The following TCF7 variants were observed in gnomAD, a reference collection of about 807,000 sequenced individuals.
TCF7 encodes T-cell-factor-7.
Under a neutral mutation model 46.8 loss-of-function variants are expected in TCF7, and 19 were observed. The observed-to-expected ratio is 0.41, with a 90% CI of 0.28 to 0.60. The LOEUF is 0.60. TCF7 is among the 20% of genes least tolerant of loss of function. The pLI is 0.35. For missense variants in TCF7, 547 were observed against 504.6 expected (o/e 1.08, Z -0.81); for synonymous variants, 245 against 213.4 (o/e 1.15, Z -1.29).
chr5:134,141,020 GC>G, intron 5 of TCF7: 1 of 325,744 alleles, frequency 3.1e-6, no homozygotes, highest in Non-Finnish European at 6.1e-6. Context: ...TCATTTTGCA[GC>G]CCCCTGCTGT....
intron 3 of TCF7, among the ~76,000 whole-genome samples, chr5:134,117,845 C>T (rs560508821): frequency 7.7e-4 from 118 of 152,332 alleles, no homozygotes; most frequent in African/African-American, 2.8e-3. Flanking sequence ...CAGCCACAGT[C>T]TCCACTGTCT....
In TCF7 at chr5:134,143,621, G is replaced by A. The variant is rs2149356593; in HGVS notation, c.1056G>A (p.Lys352=). The change falls in exon 9 of 10, where the codon AAG becomes AAA. Residue 352 remains lysine (K), a synonymous_variant. Coordinates refer to ENST00000342854, the MANE Select transcript of TCF7 (RefSeq NM_003202.5). The stretch of plus-strand genomic sequence containing the variant: ...AGAAGAAGAGGCGGTCGAGGGAAAA[G>A]CACCAAGAATCCACCACAGGTGAGA... ...YGKKKRRSRE[K]HQESTTGGKR... is the part of the protein sequence containing the mutation. 2 of 1,614,060 alleles carry A rather than the reference G, an allele frequency of 1.2e-6. No homozygotes were observed. The highest frequency in any genetic ancestry group is 2.2e-5 in the East Asian group (1 of 44,874).
intron 3 of TCF7, among the ~76,000 whole-genome samples, chr5:134,126,828 C>T (rs1486977781): frequency 2.7e-5 from 4 of 150,942 alleles, no homozygotes; most frequent in African/African-American, 4.9e-5. Flanking sequence ...ACCTGGGAGG[C>T]GGAGGTCACA....
chr5:134,142,250 C>T lies in TCF7; in HGVS notation c.701C>T (p.Pro234Leu), dbSNP rs149729434. 1.4e-5 allele frequency: 23 copies of T among 1,610,140 alleles called. No individual in the cohort carries two copies. Among genetic ancestry groups the T allele is most frequent in the Admixed American group, 5.0e-5 (3 of 59,760 alleles). Residue 234 changes from proline (P) to leucine (L), a missense_variant, in exon 6 of 10, where the codon CCG (proline) becomes CTG (leucine). Physicochemically the swap from Pro to Leu is moderately conservative, Grantham distance 98. This residue lies in a region of TCF7 where 425 missense variants were observed against 349.9 expected (regional missense o/e 1.21). Transcript: ENST00000342854. ...VPGHPAAIPH[P>L]AIVPPSGKQE... ...GGTCACCCAGCAGCCATCCCCCACC[C>T]GGCCATTGTGCCCCCCTCAGGGAAG...
chr5:134,142,397 AAGCTGT>A (rs1759955301), intron 6 of TCF7, 93 bp downstream of exon 6: 1 of 1,185,926 alleles, frequency 8.4e-7, no homozygotes, highest in African/African-American at 1.6e-5. Context: ...GTCCCTGCCT[AAGCTGT>A]TTCGTGCCTC....
intron 9 of TCF7, chr5:134,144,693 T>C (rs777237619): frequency 2.0e-5 from 17 of 855,640 alleles, no homozygotes; most frequent in Non-Finnish European, 3.1e-5. Context: ...AGGGTGTCTA[T>C]AACTGGCTAA....
At chr5:134,131,956 G>A (rs946649357) in intron 3 of TCF7, among the ~76,000 whole-genome samples, 10 of 152,244 alleles carry the variant, frequency 6.6e-5, no homozygotes, top group Non-Finnish European at 1.3e-4. Context: ...CACCAGGCAG[G>A]CTGCCAGTGT....
In TCF7 at chr5:134,115,131, C is replaced by T. The variant is rs1755618581; in HGVS notation, c.225C>T (p.Gly75=). The part of the protein sequence containing the change: ...GAGIPGVPGA[G]AGARGEAEAL... ...GGATCCCGGGGGTCCCGGGGGCCGGCGCCGGGGCCCGCGGCGAGGCCGAGG... is the reference window on the plus strand; with the variant it reads ...GGATCCCGGGGGTCCCGGGGGCCGGTGCCGGGGCCCGCGGCGAGGCCGAGG... Residue 75 remains glycine (G), a synonymous_variant, in exon 1 of 10, where the codon GGC becomes GGT. Transcript: ENST00000342854. 3.0e-6 allele frequency: 3 copies of T among 1,012,558 alleles called. No homozygotes were observed. The highest frequency in any genetic ancestry group is 8.6e-5 in the East Asian group (1 of 11,598). 62.7% of individuals were successfully genotyped at this position (1,012,558 alleles called of 1,614,324 possible).
intron 9 of TCF7, chr5:134,145,653 T>C: frequency 7.3e-7 from 1 of 1,376,060 alleles, no homozygotes; most frequent in South Asian, 1.2e-5. Context: ...AAGGAGGAGT[T>C]TGGGGTGTGT....
chr5:134,114,392 C>T (rs994178109), upstream of TCF7, among the ~76,000 whole-genome samples: 8 of 152,152 alleles, frequency 5.3e-5, no homozygotes, highest in Non-Finnish European at 1.0e-4. Context: ...AGGGGACCCC[C>T]GCCCTCCACA....
At chr5:134,127,349 A>G (rs1341125111) in intron 3 of TCF7, among the ~76,000 whole-genome samples, 1 of 152,252 alleles carries the variant, frequency 6.6e-6, no homozygotes, top group African/African-American at 2.4e-5. Flanking sequence ...CAGGGCTTCT[A>G]GAAGGAATGT....
intron 3 of TCF7, among the ~76,000 whole-genome samples, chr5:134,128,381 C>A (rs1757635586): frequency 6.6e-6 from 1 of 152,118 alleles, no homozygotes; most frequent in South Asian, 2.1e-4. Context: ...AGGGCTCGGG[C>A]AGCAGCACCC....
At chr5:134,126,253 T>C (rs1757330528) in intron 3 of TCF7, among the ~76,000 whole-genome samples, 1 of 152,136 alleles carries the variant, frequency 6.6e-6, no homozygotes, top group Non-Finnish European at 1.5e-5. Context: ...CGTGCCTGGC[T>C]GCAGCAGCCA....
chr5:134,133,425 A>AG (rs1445317838), intron 3 of TCF7, among the ~76,000 whole-genome samples: 1 of 151,812 alleles, frequency 6.6e-6, no homozygotes, highest in East Asian at 1.9e-4. Context: ...AGAGCAGGGG[A>AG]GGGGGGCTTC....
intron 3 of TCF7, among the ~76,000 whole-genome samples, chr5:134,118,711 G>T (rs1362705289): frequency 6.6e-6 from 1 of 152,170 alleles, no homozygotes; most frequent in East Asian, 1.9e-4. Flanking sequence ...TCAGGCACCT[G>T]ATTGATGTAG....
the TCF7 span, among the ~76,000 whole-genome samples, chr5:134,108,792 C>G: frequency 6.6e-6 from 1 of 152,104 alleles, no homozygotes; most frequent in Non-Finnish European, 1.5e-5. Context: ...CCAAACTCTC[C>G]CCCAGGGCCT....
intron 9 of TCF7, 118 bp downstream of exon 9, chr5:134,143,758 G>A (rs912031233): frequency 4.2e-5 from 51 of 1,205,754 alleles, no homozygotes; most frequent in East Asian, 2.0e-4. Flanking sequence ...CAGGGCCTGG[G>A]GCCTATGAAA....
chr5:134,124,010 G>T (rs139436204), intron 3 of TCF7, among the ~76,000 whole-genome samples: 3 of 152,118 alleles, frequency 2.0e-5, no homozygotes, highest in Non-Finnish European at 4.4e-5. Context: ...TGCTCTCTCG[G>T]GGTTCGGGAT....
intron 3 of TCF7, chr5:134,123,785 T>C (rs1193488384): frequency 8.8e-6 from 4 of 455,868 alleles, no homozygotes; most frequent in Non-Finnish European, 1.8e-5. Flanking sequence ...CACCCACAGA[T>C]GGTGTGAATT....
Sources: gnomAD v4.1 joint callset for allele counts (sites outside exome capture counted in the v4.1 genomes callset) on GRCh38, gnomAD v4.1.1 for gene constraint, gnomAD v4.1.1 regional missense constraint, MANE v1.5 for transcripts, NCBI Gene and HGNC (gene_info 2026-07-23, HGNC 2026-07-21) for gene names.